The following MIGA1 variants were observed in gnomAD, a reference collection of about 807,000 sequenced individuals.
MIGA1 encodes family with sequence similarity 73, member A.
Under a neutral mutation model 82.0 loss-of-function variants are expected in MIGA1, and 58 were observed. The observed-to-expected ratio is 0.71, with a 90% CI of 0.57 to 0.88. The LOEUF is 0.88. Ranked by LOEUF, MIGA1 falls within the 40% of genes least tolerant of loss-of-function variation. MIGA1 has a pLI of 0.00. For missense variants in MIGA1, 751 were observed against 749.1 expected (o/e 1.00, Z -0.03); for synonymous variants, 249 against 253.6 (o/e 0.98, Z 0.17).
chr1:77,808,675 A>G (rs561299179), intron 5 of MIGA1, among the ~76,000 whole-genome samples: 1 of 152,344 alleles, frequency 6.6e-6, no homozygotes, highest in African/African-American at 2.4e-5. Flanking sequence ...GTTTCAGGCT[A>G]TCCTCCTTTT....
Position 77,875,424 on chromosome 1 carries a change from C to CA in MIGA1, c.*361dup, listed in dbSNP as rs1269481808. 6.1e-5 allele frequency: 11 copies of CA among 180,390 alleles called. No individual in the cohort carries two copies. The highest frequency in any genetic ancestry group is 1.3e-4 in the South Asian group (1 of 7,616). The allele number at this position is 180,390 out of a possible 1,614,324, so 11.2% of individuals were successfully genotyped here. On this transcript the variant is annotated 3_prime_UTR_variant, in exon 16 of 16. Transcript: ENST00000370791. ...TTATGCTTTGCACCTTTAAAATGTA[C>CA]ACTTTAGCCAAGGTCTTTGTGGCCC...
At chr1:77,859,194 A>G in intron 9 of MIGA1, 120 bp from the exon 10 acceptor site, 1 of 982,350 alleles carries the variant, frequency 1.0e-6, no homozygotes, top group East Asian at 2.4e-5. Context: ...ATGTTCTGTC[A>G]GTATTGAAAA....
At chr1:77,848,336 C>A (rs1684920904) in intron 8 of MIGA1, 22 of 1,259,860 alleles carry the variant, frequency 1.7e-5, no homozygotes, top group Non-Finnish European at 2.5e-5. Flanking sequence ...ATGATCAGAA[C>A]CGACACAGTG....
chr1:77,796,015 C>G (rs1250549203), intron 2 of MIGA1, among the ~76,000 whole-genome samples: 1 of 152,062 alleles, frequency 6.6e-6, no homozygotes, highest in Non-Finnish European at 1.5e-5. Context: ...CTCTCATTAA[C>G]TATAGTGTAT....
chr1:77,847,699 A>G, intron 8 of MIGA1: 2 of 1,581,648 alleles, frequency 1.3e-6, no homozygotes, highest in Non-Finnish European at 1.7e-6. Context: ...CACTTACTAA[A>G]TCAAGCAGTT....
intron 7 of MIGA1, among the ~76,000 whole-genome samples, chr1:77,818,702 AG>A (rs1440675484): frequency 6.6e-6 from 1 of 152,156 alleles, no homozygotes; most frequent in African/African-American, 2.4e-5. Context: ...GCTTGAGCCC[AG>A]GAGTTCAAGA....
chr1:77,804,354 T>G (rs1415508101), intron 4 of MIGA1, among the ~76,000 whole-genome samples: 3 of 152,196 alleles, frequency 2.0e-5, no homozygotes, highest in Non-Finnish European at 2.9e-5. Context: ...AAATCTAATG[T>G]GATTTAAACA....
At chr1:77,788,781 G>A (rs2101700144) in intron 2 of MIGA1, among the ~76,000 whole-genome samples, 1 of 152,274 alleles carries the variant, frequency 6.6e-6, no homozygotes, top group South Asian at 2.1e-4. Flanking sequence ...TGCCCTTGAT[G>A]CCAGTACCTT....
At chr1:77,831,291 A>C (rs1184979458) in intron 7 of MIGA1, among the ~76,000 whole-genome samples, 1 of 152,202 alleles carries the variant, frequency 6.6e-6, no homozygotes, top group Non-Finnish European at 1.5e-5. Context: ...GTATTTCTGC[A>C]TGATAGTGTT....
intron 13 of MIGA1, among the ~76,000 whole-genome samples, chr1:77,865,658 T>C (rs1174275894): frequency 6.6e-6 from 1 of 152,204 alleles, no homozygotes; most frequent in Non-Finnish European, 1.5e-5. Context: ...TGTATGTGAA[T>C]TCTATATACA....
chr1:77,847,155 A>C, intron 8 of MIGA1: 12 of 1,253,822 alleles, frequency 9.6e-6, no homozygotes, highest in Non-Finnish European at 1.4e-5. Flanking sequence ...CAAAGAAAAC[A>C]CAGCAGTTGC....
intron 1 of MIGA1, among the ~76,000 whole-genome samples, chr1:77,780,923 T>C (rs1249036001): frequency 6.6e-6 from 1 of 150,902 alleles, no homozygotes; most frequent in East Asian, 1.9e-4. Flanking sequence ...TTTTTTTTTT[T>C]TGAGGCGGAG....
chr1:77,782,156 T>C (rs1204080738), intron 1 of MIGA1, among the ~76,000 whole-genome samples: 1 of 152,138 alleles, frequency 6.6e-6, no homozygotes, highest in Non-Finnish European at 1.5e-5. Flanking sequence ...TAAACTTTTA[T>C]AGAGGGATTG....
At chr1:77,848,923 C>A in intron 8 of MIGA1, 1 of 493,092 alleles carries the variant, frequency 2.0e-6, no homozygotes. Context: ...AATTTATTTT[C>A]AAAATTTTAG....
At chr1:77,807,483 C>T (rs1302796514) in intron 5 of MIGA1, among the ~76,000 whole-genome samples, 1 of 152,106 alleles carries the variant, frequency 6.6e-6, no homozygotes, top group Non-Finnish European at 1.5e-5. Context: ...AATTAAAAAA[C>T]TGAATTGTTC....
rs574612759 is a variant in MIGA1 at position 77,848,783 on chromosome 1, T to C, written c.996+5376T>C. ...GTGCAGGTTAATGCAAAGAGCTATA[T>C]TGACAAACAAGATGATTGATGGCTA... On this transcript the variant is annotated intron_variant, in intron 8 of 15. Coordinates refer to ENST00000370791, the MANE Select transcript of MIGA1 (RefSeq NM_198549.4). 73 of 1,297,772 alleles carry C rather than the reference T, an allele frequency of 5.6e-5. No individual in the cohort carries two copies. The East Asian group carries it at 9.7e-4, about 17-fold the overall frequency. The allele number at this position is 1,297,772 out of a possible 1,614,324, so 80.4% of individuals were successfully genotyped here.
chr1:77,827,017 GGCTGGTCTCAA>G (rs1268290861), intron 7 of MIGA1, among the ~76,000 whole-genome samples: 2 of 152,006 alleles, frequency 1.3e-5, no homozygotes, highest in African/African-American at 4.8e-5. Flanking sequence ...ATGTTGGCCA[GGCTGGTCTCAA>G]GCTCCTGACC....
chr1:77,812,485 A>G (rs747893497), intron 5 of MIGA1, among the ~76,000 whole-genome samples: 1 of 152,138 alleles, frequency 6.6e-6, no homozygotes, highest in Non-Finnish European at 1.5e-5. Context: ...AATAAATACG[A>G]AATTGTATTC....
chr1:77,780,747 C>G (rs1442270924), intron 1 of MIGA1, among the ~76,000 whole-genome samples: 1 of 151,432 alleles, frequency 6.6e-6, no homozygotes, highest in Non-Finnish European at 1.5e-5. Flanking sequence ...TATTATGCTT[C>G]TGAAAGCAAA....
Sources: gnomAD v4.1 joint callset for allele counts (sites outside exome capture counted in the v4.1 genomes callset) on GRCh38, gnomAD v4.1.1 for gene constraint, MANE v1.5 for transcripts, NCBI Gene and HGNC (gene_info 2026-07-23, HGNC 2026-07-21) for gene names.